STK32B: variants seen among roughly 807,000 people sequenced by gnomAD.
STK32B encodes serine/threonine kinase 32B, also known as serine/threonine-protein kinase 32B.
In STK32B, 43 loss-of-function variants were observed where a neutral mutation model predicts 52.6. That is an observed-to-expected ratio of 0.82 (90% CI 0.64 to 1.05). STK32B has a LOEUF of 1.05. Among genes scored for constraint, STK32B ranks in the 50% least tolerant of loss-of-function variants. STK32B has a pLI of 0.00. For synonymous variants in STK32B, 238 were observed against 204.3 expected, an observed-to-expected ratio of 1.17 and a Z score of -1.41; for missense variants, 621 against 534.6, an observed-to-expected ratio of 1.16 and a Z score of -1.59.
intron 3 of STK32B, among the ~76,000 whole-genome samples, chr4:5,328,280 T>G (rs1577353718): frequency 1.3e-5 from 2 of 152,234 alleles, no homozygotes; most frequent in East Asian, 3.8e-4. Flanking sequence ...CCTTTGCATT[T>G]ATAACTTGGC....
intron 11 of STK32B, among the ~76,000 whole-genome samples, chr4:5,475,768 G>T (rs919829845): frequency 6.8e-6 from 1 of 147,692 alleles, no homozygotes; most frequent in African/African-American, 2.6e-5. Flanking sequence ...AAAAAAAAAA[G>T]ACATAGAAAA....
chr4:5,191,955 T>A (rs1721242105), intron 3 of STK32B, among the ~76,000 whole-genome samples: 1 of 152,206 alleles, frequency 6.6e-6, no homozygotes, highest in African/African-American at 2.4e-5. Flanking sequence ...ACATGCTCCC[T>A]GCAACCCCAC....
In STK32B at chr4:5,160,056, A is replaced by G. The variant is rs192731945; in HGVS notation, c.109-8243A>G. 3.3e-3 allele frequency among the ~76,000 whole-genome samples: 502 copies of G among 152,184 alleles called. 8 individuals carry two copies. Among genetic ancestry groups the G allele is most frequent in the African/African-American group, 0.011 (453 of 41,516 alleles). On this transcript the variant is annotated intron_variant, in intron 2 of 11. Transcript: ENST00000282908. ...GGCAATCCTGTCTTCAAAGTCTACC[A>G]ATTTAATATCAACCTCACCCCAAAA...
At position 5,177,169 on chromosome 4, in the gene STK32B, T is replaced by G. The variant is rs117235995; in HGVS notation, c.260+8719T>G. On this transcript the variant is annotated intron_variant, in intron 3 of 11. Transcript: ENST00000282908. ...CTGGGTGATTTATAAAGGAAAGAAGTTTAATTGACTCACAGTTCTGCGTGG... is the reference window on the plus strand; with the variant it reads ...CTGGGTGATTTATAAAGGAAAGAAGGTTAATTGACTCACAGTTCTGCGTGG... Among the ~76,000 whole-genome samples, 327 of 152,244 alleles carry G rather than the reference T, an allele frequency of 2.1e-3. 6 individuals carry two copies. The East Asian group carries it at 0.052, about 24-fold the overall frequency.
At chr4:5,133,242 GTCA>G (rs777453464) in intron 1 of STK32B, among the ~76,000 whole-genome samples, 52 of 152,208 alleles carry the variant, frequency 3.4e-4, no homozygotes, top group African/African-American at 2.4e-4. Context: ...CATATACTCA[GTCA>G]TCATTTCAAC....
intron 6 of STK32B, among the ~76,000 whole-genome samples, chr4:5,418,884 C>A (rs1208747328): frequency 6.6e-6 from 1 of 152,188 alleles, no homozygotes; most frequent in Non-Finnish European, 1.5e-5. Flanking sequence ...GGGGAGGAGG[C>A]TTAGTTTGGA....
rs545548360 is a variant in STK32B, at chr4:5,078,192, C to G, written c.52+26277C>G. Among the ~76,000 whole-genome samples, 3 of 152,254 alleles carry G rather than the reference C, an allele frequency of 2.0e-5. No homozygotes were observed. In the South Asian group the frequency reaches 6.2e-4, roughly 32 times the overall value. ...TCCTGGAAGCTATGTGCAGACTTCC[C>G]CTTGTAGCTCATTGGTCAAAAGTAG... On this transcript the variant is annotated intron_variant, in intron 1 of 11. Coordinates refer to ENST00000282908, the MANE Select transcript of STK32B (RefSeq NM_018401.3).
chr4:5,177,907 C>G (rs1281190293), intron 3 of STK32B, among the ~76,000 whole-genome samples: 1 of 152,222 alleles, frequency 6.6e-6, no homozygotes, highest in Non-Finnish European at 1.5e-5. Context: ...GGTACAGCCT[C>G]CTTCCCAGCT....
chr4:5,102,426 C>CTCCTTCCT (rs1398175301), intron 1 of STK32B, among the ~76,000 whole-genome samples: 55 of 144,522 alleles, frequency 3.8e-4, no homozygotes, highest in Admixed American at 6.2e-4. Context: ...TTTCCTTCTT[C>CTCCTTCCT]TCCTTCCTTG....
At chr4:5,479,738 T>C (rs1170466863) in intron 11 of STK32B, among the ~76,000 whole-genome samples, 1 of 152,232 alleles carries the variant, frequency 6.6e-6, no homozygotes, top group Non-Finnish European at 1.5e-5. Flanking sequence ...TTTTGCTTTT[T>C]TCTCTTTCAA....
intron 4 of STK32B, among the ~76,000 whole-genome samples, chr4:5,353,087 A>G (rs942018885): frequency 6.6e-6 from 1 of 152,130 alleles, no homozygotes; most frequent in Non-Finnish European, 1.5e-5. Flanking sequence ...AAAATAGAAA[A>G]TACAGAAATA....
chr4:5,342,497 C>T (rs1005932183), intron 4 of STK32B, among the ~76,000 whole-genome samples: 1 of 152,118 alleles, frequency 6.6e-6, no homozygotes, highest in African/African-American at 2.4e-5. Context: ...GGGAACTGAA[C>T]AATGAGAACA....
chr4:5,175,895 C>G (rs1257354296), intron 3 of STK32B, among the ~76,000 whole-genome samples: 1 of 152,250 alleles, frequency 6.6e-6, no homozygotes, highest in African/African-American at 2.4e-5. Flanking sequence ...GCCCTGCCCC[C>G]AGAGGTGGAG....
At chr4:5,102,436 GCTTCCTTCCTTC>G (rs201942952) in intron 1 of STK32B, among the ~76,000 whole-genome samples, 6,742 of 105,080 alleles carry the variant, frequency 0.064, 308 homozygotes, top group Admixed American at 0.099. Flanking sequence ...CTCCTTCCTT[GCTTCCTTCCTTC>G]CTTCCTTCCT....
chr4:5,250,019 G>C lies in STK32B; in HGVS notation c.261-81201G>C, dbSNP rs577127004. On this transcript the variant is annotated intron_variant, in intron 3 of 11. Coordinates refer to ENST00000282908, the MANE Select transcript of STK32B (RefSeq NM_018401.3). ...GAGAACATGCAGTATTTGGTTTTCT[G>C]TTCCTGGGTTAGTTTGCTTAGGGGA... Among the ~76,000 whole-genome samples, 32 of 152,044 alleles carry C rather than the reference G, an allele frequency of 2.1e-4. 1 individual carries two copies. In the South Asian group the frequency reaches 6.6e-3, roughly 32 times the overall value.
chr4:5,484,499 G>A (rs188049492), intron 11 of STK32B, among the ~76,000 whole-genome samples: 3 of 152,216 alleles, frequency 2.0e-5, no homozygotes, highest in African/African-American at 4.8e-5. Context: ...CGTGAGATGG[G>A]TTTCCTGAAT....
chr4:5,082,665 T>C (rs370758640), intron 1 of STK32B, among the ~76,000 whole-genome samples: 4 of 152,198 alleles, frequency 2.6e-5, no homozygotes, highest in African/African-American at 9.6e-5. Context: ...CCAGGTTCTT[T>C]GTGGTTTTTT....
chr4:5,045,462 G>A, the STK32B span, among the ~76,000 whole-genome samples: 10 of 152,272 alleles, frequency 6.6e-5, no homozygotes, highest in East Asian at 1.5e-3. Context: ...GTCCAGAGGC[G>A]GTTTGATAGA....
intron 3 of STK32B, among the ~76,000 whole-genome samples, chr4:5,272,372 A>G (rs2108858555): frequency 6.9e-6 from 1 of 145,872 alleles, no homozygotes; most frequent in East Asian, 2.0e-4. Context: ...ATCATGGTGG[A>G]TAAGCTTTTT....
Sources: allele counts gnomAD v4.1 joint callset (sites outside exome capture counted in the v4.1 genomes callset), GRCh38; gene constraint gnomAD v4.1.1; transcripts MANE v1.5; gene names NCBI Gene and HGNC (gene_info 2026-07-23, HGNC 2026-07-21).